NT5DC3: variants seen among roughly 807,000 people sequenced by gnomAD.
NT5DC3 encodes the protein 5'-nucleotidase domain containing 3, also known as 5'-nucleotidase domain-containing protein 3.
In NT5DC3, 42 loss-of-function variants were observed where a neutral mutation model predicts 67.8. That is an observed-to-expected ratio of 0.62 (90% confidence interval 0.48 to 0.80). The LOEUF (loss-of-function observed/expected upper bound fraction) is 0.80, where lower values mean the gene tolerates loss of function less well. Ranked by LOEUF, NT5DC3 falls within the 30% of genes least tolerant of loss-of-function variation. The pLI, the probability that NT5DC3 is intolerant of heterozygous loss-of-function variation, is 0.00. For synonymous variants in NT5DC3, 237 were observed against 255.6 expected, an observed-to-expected ratio of 0.93 and a Z score of 0.69; for missense variants, 570 against 696.4, an observed-to-expected ratio of 0.82 and a Z score of 2.04.
chr12:103,818,480 A>G (rs1887354970), intron 1 of NT5DC3, among the ~76,000 whole-genome samples: 1 of 150,944 alleles, frequency 6.6e-6, no homozygotes, highest in Non-Finnish European at 1.5e-5. Context: ...AGTTCAAGCA[A>G]TTCTCCTGCC....
chr12:103,792,202 G>A (rs1216668954), intron 9 of NT5DC3, among the ~76,000 whole-genome samples: 1 of 152,196 alleles, frequency 6.6e-6, no homozygotes, highest in South Asian at 2.1e-4. Context: ...GCAAGCCACA[G>A]TTTATAGCTG....
At chr12:103,761,134 G>A in the NT5DC3 span, among the ~76,000 whole-genome samples, 1 of 152,154 alleles carries the variant, frequency 6.6e-6, no homozygotes, top group Non-Finnish European at 1.5e-5. Flanking sequence ...GACAATTAAT[G>A]TGTTCTGGGC....
the NT5DC3 span, chr12:103,757,781 C>G: frequency 8.7e-6 from 2 of 230,348 alleles, no homozygotes; most frequent in Non-Finnish European, 1.8e-5. Context: ...CAAGCTAGGC[C>G]TGGGGTCAGA....
Position 103,795,064 on chromosome 12 carries a change from T to C in NT5DC3, c.754-1067A>G, listed in dbSNP as rs575165627. On this transcript the variant is annotated intron_variant, in intron 6 of 13. Coordinates refer to ENST00000392876, the MANE Select transcript of NT5DC3 (RefSeq NM_001031701.3). ...GGAGATTTCTGTTAAGAGTGAGCAC[T>C]TCTGGACTGCAATCTCAACCTCAAT... 3.3e-5 allele frequency among the ~76,000 whole-genome samples: 5 copies of C among 152,318 alleles called. No individual in the cohort carries two copies. The South Asian group carries it at 1.0e-3, about 32-fold the overall frequency.
intron 2 of NT5DC3, among the ~76,000 whole-genome samples, chr12:103,811,889 T>G (rs1887047850): frequency 1.3e-5 from 2 of 152,078 alleles, no homozygotes; most frequent in Admixed American, 6.6e-5. Context: ...TAGCATTTGC[T>G]GAGAGATCAG....
At chr12:103,824,714 A>G (rs1477966014) in intron 1 of NT5DC3, among the ~76,000 whole-genome samples, 1 of 113,936 alleles carries the variant, frequency 8.8e-6, no homozygotes. Context: ...AATAAAGGCA[A>G]TGAGCACCTA....
chr12:103,779,423 G>A (rs1885458199), intron 13 of NT5DC3, among the ~76,000 whole-genome samples: 1 of 152,212 alleles, frequency 6.6e-6, no homozygotes, highest in Non-Finnish European at 1.5e-5. Context: ...ACACAGCTGT[G>A]TGATAAAAGC....
intron 2 of NT5DC3, among the ~76,000 whole-genome samples, chr12:103,814,097 G>A (rs115318643): frequency 0.013 from 2,013 of 152,240 alleles, 42 homozygotes; most frequent in African/African-American, 0.046. Flanking sequence ...CCACGTGACC[G>A]ACGACCCCAC....
At chr12:103,755,534 G>A in the NT5DC3 span, 4 of 1,608,698 alleles carry the variant, frequency 2.5e-6, no homozygotes, top group East Asian at 2.2e-5. Flanking sequence ...AGCCTGGCCA[G>A]TCACTCCCCA....
At chr12:103,806,293 A>T in intron 4 of NT5DC3, 29 bp downstream of exon 4, 1 of 1,496,658 alleles carries the variant, frequency 6.7e-7, no homozygotes, top group Non-Finnish European at 9.3e-7. Context: ...TACTTCACGT[A>T]AATTAAATGT....
Position 103,807,054 on chromosome 12 carries a change from G to C in NT5DC3, c.394-125C>G, listed in dbSNP as rs1007368516. The C allele has an allele frequency of 4.8e-6, 3 of 625,544 alleles. No individual in the cohort carries two copies. In the African/African-American group the frequency reaches 5.5e-5, roughly 11 times the overall value. The allele number at this position is 625,544 out of a possible 1,614,324, so 38.7% of individuals were successfully genotyped here. A position where few individuals can be genotyped will look rare whatever the true frequency, so the allele number is the denominator to read the frequency against. On this transcript the variant is annotated intron_variant, in intron 2 of 13. Transcript: ENST00000392876. ...CCAGTGGGAGGTTGGGGTCAGAAGG[G>C]GCAGACCACAGCTTGTCCCTCTGCT...
chr12:103,753,479 C>T, the NT5DC3 span: 3 of 1,271,604 alleles, frequency 2.4e-6, no homozygotes, highest in Admixed American at 2.0e-5. Flanking sequence ...GCTCCTGGAA[C>T]AATGCTAACA....
intron 1 of NT5DC3, among the ~76,000 whole-genome samples, chr12:103,825,015 G>A (rs776384288): frequency 1.7e-4 from 26 of 152,176 alleles, no homozygotes; most frequent in Admixed American, 1.3e-4. Context: ...CAGGCAGTGG[G>A]GAAGACCAAC....
At chr12:103,758,764 A>G in the NT5DC3 span, among the ~76,000 whole-genome samples, 1 of 152,224 alleles carries the variant, frequency 6.6e-6, no homozygotes, top group Admixed American at 6.5e-5. Flanking sequence ...CCTTCTTCAT[A>G]TCACGGCACA....
Position 103,815,044 on chromosome 12 carries a change from T to C in NT5DC3, c.286A>G (p.Ile96Val). Residue 96 changes from isoleucine (I) to valine (V), a missense_variant, in exon 2 of 14, where the codon ATT becomes GTT. This residue lies in a region of NT5DC3 where 466 missense variants were observed against 608.0 expected (regional missense o/e 0.77). Coordinates refer to ENST00000392876, the MANE Select transcript of NT5DC3 (RefSeq NM_001031701.3). ...FSNNEMSLSDIEIYGFDYDYT... is the reference protein window; with the variant it reads ...FSNNEMSLSDVEIYGFDYDYT... ...TCATAATCGAAGCCATAGATTTCAA[T>C]GTCTGACAGGCTCATTTCATTGTTT... is the stretch of plus-strand genomic sequence containing the variant. The C allele has an allele frequency of 2.5e-6, 4 of 1,613,810 alleles. No homozygotes were observed. Among genetic ancestry groups the C allele is most frequent in the Non-Finnish European group, 3.4e-6 (4 of 1,179,740 alleles).
rs1406386730 is a variant in NT5DC3, at chr12:103,776,836, C to G, written c.*993G>C. ...CAGTTGGTAACTCATTAGAGAGAAG[C>G]CAGGATCTTGTTTGTTTCCATCTAG... On this transcript the variant is annotated 3_prime_UTR_variant, in exon 14 of 14. Transcript: ENST00000392876. 1 of 152,184 alleles carries G rather than the reference C, an allele frequency of 6.6e-6. No homozygotes were observed. The highest frequency in any genetic ancestry group is 1.5e-5 in the Non-Finnish European group (1 of 68,030). 9.4% of individuals were successfully genotyped at this position (152,184 alleles called of 1,614,324 possible). A position where few individuals can be genotyped will look rare whatever the true frequency, so the allele number is the denominator to read the frequency against.
chr12:103,771,603 T>G (rs901164921), downstream of NT5DC3, among the ~76,000 whole-genome samples: 1 of 151,952 alleles, frequency 6.6e-6, no homozygotes, highest in East Asian at 1.9e-4. Context: ...TCTCCCCACA[T>G]CTCCAAATTG....
Position 103,793,401 on chromosome 12 carries a change from G to A in NT5DC3, c.917+9C>T. On this transcript the variant is annotated intron_variant, in intron 8 of 13. Transcript: ENST00000392876. ...CCAGAAGCTAGCAATGAAACACAGA[G>A]CAACTTACACAAAGCTACTGGGGCT... 3.1e-6 allele frequency: 5 copies of A among 1,609,544 alleles called. No homozygotes were observed. The highest frequency in any genetic ancestry group is 4.3e-6 in the Non-Finnish European group (5 of 1,175,810).
At position 103,841,014 on chromosome 12, in the gene NT5DC3, C is replaced by T; in HGVS notation, c.143G>A (p.Gly48Glu). ...GPARPLCTAP[G>E]TAPDMKRYLW... ...GTAGCGCTTCATGTCCGGGGCGGTC[C>T]CGGGTGCAGTGCACAAGGGCCGGGC... The change falls in exon 1 of 14, where the codon GGG becomes GAG. Residue 48 changes from glycine to glutamate, a missense_variant. By Grantham distance (98) the Gly-to-Glu change is moderately conservative. Around this residue, in one of 2 missense-constraint regions of NT5DC3, gnomAD observed 104 missense variants for 88.4 expected, o/e 1.18. Transcript: ENST00000392876. 7.7e-7 allele frequency: 1 copy of T among 1,297,120 alleles called. No homozygotes were observed. The highest frequency in any genetic ancestry group is 9.8e-7 in the Non-Finnish European group (1 of 1,019,512). 80.4% of individuals were successfully genotyped at this position (1,297,120 alleles called of 1,614,324 possible).
Sources: allele counts gnomAD v4.1 joint callset (sites outside exome capture counted in the v4.1 genomes callset), GRCh38; gene constraint gnomAD v4.1.1; regional missense constraint gnomAD v4.1.1; transcripts MANE v1.5; gene names NCBI Gene and HGNC (gene_info 2026-07-23, HGNC 2026-07-21).